The following MMD2 variants were observed in gnomAD, a reference collection of about 807,000 sequenced individuals.
The protein encoded by MMD2 is monocyte to macrophage differentiation associated 2.
Under a neutral mutation model 33.5 loss-of-function variants are expected in MMD2, and 30 were observed. The observed-to-expected ratio is 0.90, with a 90% CI of 0.67 to 1.22. The LOEUF is 1.22. MMD2 is among the 50% of genes most tolerant of loss of function. The pLI is 0.00. For missense variants in MMD2, 364 were observed against 325.4 expected (o/e 1.12, Z -0.91); for synonymous variants, 129 against 123.0 (o/e 1.05, Z -0.32).
chr7:4,919,840 G>A (rs1259647164), intron 3 of MMD2, among the ~76,000 whole-genome samples: 1 of 152,160 alleles, frequency 6.6e-6, no homozygotes, highest in Non-Finnish European at 1.5e-5. Context: ...AGGTTGCAAT[G>A]AGCTGAGATA....
the MMD2 span, among the ~76,000 whole-genome samples, chr7:4,898,625 A>T: frequency 6.6e-6 from 1 of 152,152 alleles, no homozygotes. Flanking sequence ...GGCAGGGCGC[A>T]GTGGCTCCCG....
intron 1 of MMD2, among the ~76,000 whole-genome samples, chr7:4,948,049 A>G (rs1341185712): frequency 6.6e-6 from 1 of 151,844 alleles, no homozygotes; most frequent in Non-Finnish European, 1.5e-5. Flanking sequence ...CACTATCTCA[A>G]CCAAGGGGGA....
intron 1 of MMD2, among the ~76,000 whole-genome samples, chr7:4,939,855 T>G (rs1785855645): frequency 6.6e-6 from 1 of 151,732 alleles, no homozygotes; most frequent in Non-Finnish European, 1.5e-5. Flanking sequence ...ATCTCCTGCC[T>G]CAGCCTCCTG....
At position 4,958,957 on chromosome 7, in the gene MMD2, C is replaced by A; in HGVS notation, c.47+14G>T. On this transcript the variant is annotated intron_variant, in intron 1 of 6. Coordinates refer to ENST00000401401, the MANE Select transcript of MMD2 (RefSeq NM_198403.4). ...CTCCCTCCCTCCCCGCGGACCTCCG[C>A]GGCCGCCGCTCACCTCGCGTATTTC... The A allele has an allele frequency of 7.8e-7, 1 of 1,290,054 alleles. No homozygotes were observed. The highest frequency in any genetic ancestry group is 9.9e-7 in the Non-Finnish European group (1 of 1,012,698). 79.9% of individuals were successfully genotyped at this position (1,290,054 alleles called of 1,614,324 possible).
chr7:4,912,963 C>A (rs1785053817), intron 4 of MMD2, among the ~76,000 whole-genome samples: 1 of 152,154 alleles, frequency 6.6e-6, no homozygotes. Flanking sequence ...CTCGGCCTGC[C>A]AAAGTGCTGG....
intron 3 of MMD2, among the ~76,000 whole-genome samples, chr7:4,918,336 G>A (rs1441290768): frequency 2.0e-5 from 3 of 152,124 alleles, no homozygotes; most frequent in Admixed American, 6.6e-5. Flanking sequence ...TTGTATGCAC[G>A]GCTCAACTGC....
rs767969944 is a variant in MMD2 at position 4,907,617 on chromosome 7, G to A, written c.538-18C>T. Reference sequence around the variant, plus strand: ...GTGTTGGGCTGTCGGCAAGGACAAGGGTGGGGCACAGGTCAGAGGGGCAGT... The same window carrying A: ...GTGTTGGGCTGTCGGCAAGGACAAGAGTGGGGCACAGGTCAGAGGGGCAGT... On this transcript the variant is annotated intron_variant, in intron 6 of 6. Transcript: ENST00000401401. The A allele has an allele frequency of 6.2e-7, 1 of 1,611,668 alleles. No individual in the cohort carries two copies. The highest frequency in any genetic ancestry group is 1.1e-5 in the South Asian group (1 of 90,976).
At chr7:4,898,096 C>T in the MMD2 span, among the ~76,000 whole-genome samples, 1 of 152,124 alleles carries the variant, frequency 6.6e-6, no homozygotes, top group Non-Finnish European at 1.5e-5. Flanking sequence ...AGTTCAGGGC[C>T]ACGCTGCCCA....
At chr7:4,942,107 C>T (rs1456790934) in intron 1 of MMD2, among the ~76,000 whole-genome samples, 1 of 151,736 alleles carries the variant, frequency 6.6e-6, no homozygotes, top group Non-Finnish European at 1.5e-5. Context: ...GCACGTGCCA[C>T]CATGCCCAGC....
intron 2 of MMD2, among the ~76,000 whole-genome samples, chr7:4,924,849 G>A (rs1785380482): frequency 6.6e-6 from 1 of 152,182 alleles, no homozygotes; most frequent in Non-Finnish European, 1.5e-5. Flanking sequence ...ATGGTGGTGG[G>A]AGGTGCGTGG....
rs1583409366 is a variant in MMD2, at chr7:4,959,009, G to A, written c.9C>T (p.Ala3=). ...TCTTCTGGAAATCCAGCAGCCGGGG[G>A]GCGAACATCGCGGCGCTTCCATGGG... MF[A]PRLLDFQKTK... Residue 3 remains alanine, a synonymous_variant, in exon 1 of 7, where the codon GCC becomes GCT. Transcript: ENST00000401401. The A allele has an allele frequency of 7.9e-7, 1 of 1,272,664 alleles. No individual in the cohort carries two copies. The highest frequency in any genetic ancestry group is 1.0e-6 in the Non-Finnish European group (1 of 1,001,510). 78.8% of individuals were successfully genotyped at this position (1,272,664 alleles called of 1,614,324 possible). A position where few individuals can be genotyped will look rare whatever the true frequency, so the allele number is the denominator to read the frequency against.
In MMD2 at chr7:4,915,982, C is replaced by G; in HGVS notation, c.365+23G>C. Reference sequence around the variant, plus strand: ...GAAAAGAAAGGCCGCCAAGGGTTTGCTGGGCGGCGGGACGGTACTCACCAG... The same window carrying G: ...GAAAAGAAAGGCCGCCAAGGGTTTGGTGGGCGGCGGGACGGTACTCACCAG... On this transcript the variant is annotated intron_variant, in intron 4 of 6. Transcript: ENST00000401401. 4 of 1,611,600 alleles carry G rather than the reference C, an allele frequency of 2.5e-6. No individual in the cohort carries two copies. In the South Asian group the frequency reaches 4.4e-5, roughly 18 times the overall value.
chr7:4,929,161 T>A lies in MMD2; in HGVS notation c.48-3629A>T, dbSNP rs114880898. Among the ~76,000 whole-genome samples the A allele has an allele frequency of 4.7e-3, 714 of 152,272 alleles. 5 individuals are homozygous for A. The highest frequency in any genetic ancestry group is 0.017 in the African/African-American group (693 of 41,572). The stretch of plus-strand genomic sequence containing the variant: ...TCTCCAGGTTCGGGTGACTGCTCTC[T>A]GCCTGCATCCAGCTGGGACTCCATG... On this transcript the variant is annotated intron_variant, in intron 1 of 6. Transcript: ENST00000401401.
At chr7:4,898,034 G>A in the MMD2 span, among the ~76,000 whole-genome samples, 10 of 152,144 alleles carry the variant, frequency 6.6e-5, no homozygotes, top group South Asian at 2.1e-4. Context: ...CACCGCACCC[G>A]GCCTATCTCT....
At chr7:4,926,340 C>T (rs1037385893) in intron 1 of MMD2, among the ~76,000 whole-genome samples, 1 of 152,126 alleles carries the variant, frequency 6.6e-6, no homozygotes, top group African/African-American at 2.4e-5. Flanking sequence ...GCGATCCTCC[C>T]ACCTTGGCTT....
chr7:4,920,298 T>A lies in MMD2; in HGVS notation c.163A>T (p.Asn55Tyr). 6.2e-7 allele frequency: 1 copy of A among 1,609,382 alleles called. No homozygotes were observed. The highest frequency in any genetic ancestry group is 8.5e-7 in the Non-Finnish European group (1 of 1,178,188). Residue 55 changes from asparagine (N) to tyrosine (Y), a missense_variant, in exon 3 of 7, where the codon AAC (asparagine) becomes TAC (tyrosine). Asn to Tyr is a moderately radical substitution (Grantham distance 143). Coordinates refer to ENST00000401401, the MANE Select transcript of MMD2 (RefSeq NM_198403.4). ...TCATCGTCCGACAGGAAGTAGAGGT[T>A]GGAGCTGCCCAGGATGCTGGGGATG... ...WIIPSILGSS[N>Y]LYFLSDDDWE...
At chr7:4,898,145 G>A in the MMD2 span, among the ~76,000 whole-genome samples, 3 of 152,152 alleles carry the variant, frequency 2.0e-5, no homozygotes, top group African/African-American at 4.8e-5. Context: ...GGTCCCCCAC[G>A]AACATGGGCC....
chr7:4,959,084 G>A lies in MMD2; in HGVS notation c.-67C>T. On this transcript the variant is annotated 5_prime_UTR_variant, in exon 1 of 7. Coordinates refer to ENST00000401401, the MANE Select transcript of MMD2 (RefSeq NM_198403.4). ...GGGTAGCTGGCAGAGCCTGGGGGGC[G>A]CGGCGGCGGCAGCAGCAGGTTGGAG... 1 of 1,196,910 alleles carries A rather than the reference G, an allele frequency of 8.4e-7. No individual in the cohort carries two copies. Among genetic ancestry groups the A allele is most frequent in the Non-Finnish European group, 1.1e-6 (1 of 946,124 alleles). The allele number at this position is 1,196,910 out of a possible 1,614,324, so 74.1% of individuals were successfully genotyped here. A position where few individuals can be genotyped will look rare whatever the true frequency, so the allele number is the denominator to read the frequency against.
At position 4,946,205 on chromosome 7, in the gene MMD2, GCATGCACACA is replaced by G. The variant is rs1786082791; in HGVS notation, c.47+12756_47+12765del. Among the ~76,000 whole-genome samples the G allele has an allele frequency of 2.0e-5, 3 of 148,926 alleles. No homozygotes were observed. The highest frequency in any genetic ancestry group is 7.4e-5 in the African/African-American group (3 of 40,410). ...CACACGCGCGCACACCCACACACAC[GCATGCACACA>G]CATGCACACATACACGCACACACAC... On this transcript the variant is annotated intron_variant, in intron 1 of 6. Transcript: ENST00000401401. The surrounding 1 kb of genome is among the most constrained non-coding windows in gnomAD (Gnocchi z 5.0).
Sources: allele counts gnomAD v4.1 joint callset (sites outside exome capture counted in the v4.1 genomes callset), GRCh38; gene constraint gnomAD v4.1.1; non-coding constraint Gnocchi (gnomAD v3.1); transcripts MANE v1.5; gene names NCBI Gene and HGNC (gene_info 2026-07-23, HGNC 2026-07-21).